The following FGF14 variants were observed in gnomAD, a reference collection of about 807,000 sequenced individuals.
FGF14 encodes fibroblast growth factor homologous factor 4.
FGF14 carries 5 observed loss-of-function variants against 25.5 expected under a neutral mutation model. The observed-to-expected ratio is 0.20, with a 90% CI of 0.10 to 0.41. The LOEUF is 0.41. FGF14 is among the 10% of genes least tolerant of loss of function. The pLI is 1.00. For synonymous variants in FGF14, 138 were observed against 118.3 expected (o/e 1.17, Z -1.08); for missense variants, 222 against 320.1 (o/e 0.69, Z 2.34).
chr13:101,904,748 C>A (rs1005947685), intron 1 of FGF14, among the ~76,000 whole-genome samples: 2 of 152,048 alleles, frequency 1.3e-5, no homozygotes, highest in Admixed American at 1.3e-4. Context: ...TACAACCATG[C>A]AGAAAGTAAA....
rs551932782 is a variant in FGF14, at chr13:102,009,198, G to T, written c.209-133902C>A. 1.6e-3 allele frequency among the ~76,000 whole-genome samples: 249 copies of T among 152,200 alleles called. 1 individual carries two copies. Among genetic ancestry groups the T allele is most frequent in the Middle Eastern group, 0.01 (3 of 294 alleles). On this transcript the variant is annotated intron_variant, in intron 1 of 4. Coordinates refer to the FGF14 transcript ENST00000376131. ...TTCTGTGTATTGTGTGTGTCTATAAGATCATGCTTGAAATCATATTTTGTA... is the reference window on the plus strand; with the variant it reads ...TTCTGTGTATTGTGTGTGTCTATAATATCATGCTTGAAATCATATTTTGTA...
At chr13:101,784,341 G>A (rs72660357) in intron 3 of FGF14, among the ~76,000 whole-genome samples, 3,455 of 151,946 alleles carry the variant, frequency 0.023, 60 homozygotes, top group Middle Eastern at 0.058. Context: ...ACTCATTTTT[G>A]CTGCCAGAAA....
chr13:102,113,263 T>C (rs2045317315), intron 1 of FGF14, among the ~76,000 whole-genome samples: 2 of 152,204 alleles, frequency 1.3e-5, no homozygotes, highest in Admixed American at 6.5e-5. Flanking sequence ...ACCTTCCTGA[T>C]TGATTTGGAT....
chr13:101,746,025 G>C (rs2036866352), intron 3 of FGF14, among the ~76,000 whole-genome samples: 1 of 152,060 alleles, frequency 6.6e-6, no homozygotes, highest in Non-Finnish European at 1.5e-5. Flanking sequence ...GTGCAGGATA[G>C]ATGGAGGAAG....
intron 1 of FGF14, among the ~76,000 whole-genome samples, chr13:102,262,369 A>C (rs2052761020): frequency 6.6e-6 from 1 of 152,080 alleles, no homozygotes; most frequent in Admixed American, 6.5e-5. Context: ...CCTTTCAACC[A>C]ATCAAACTTA....
chr13:102,132,274 AAAG>A (rs1237406613), intron 1 of FGF14, among the ~76,000 whole-genome samples: 1 of 152,210 alleles, frequency 6.6e-6, no homozygotes, highest in African/African-American at 2.4e-5. Context: ...CATAACATTA[AAAG>A]AAGAAAGAAA....
chr13:102,161,261 C>G (rs188748628), intron 1 of FGF14, among the ~76,000 whole-genome samples: 1 of 151,828 alleles, frequency 6.6e-6, no homozygotes, highest in Non-Finnish European at 1.5e-5. Context: ...AAAGGAAGAG[C>G]GGTTGTCAGA....
chr13:102,271,723 G>A (rs755814408), intron 1 of FGF14, among the ~76,000 whole-genome samples: 1 of 152,112 alleles, frequency 6.6e-6, no homozygotes, highest in Non-Finnish European at 1.5e-5. Flanking sequence ...AATGACAATC[G>A]CTATCATCGA....
At chr13:102,154,690 C>A (rs1340934957) in intron 1 of FGF14, among the ~76,000 whole-genome samples, 7 of 152,086 alleles carry the variant, frequency 4.6e-5, no homozygotes, top group African/African-American at 1.7e-4. Flanking sequence ...CGTAAATGGG[C>A]TAAATGCTCC....
intron 1 of FGF14, among the ~76,000 whole-genome samples, chr13:102,157,961 C>T (rs775880599): frequency 1.3e-5 from 2 of 152,070 alleles, no homozygotes; most frequent in Non-Finnish European, 2.9e-5. Flanking sequence ...CAAATCAAAA[C>T]CATAATGAGA....
At chr13:102,393,212 C>T (rs1253809061) in intron 1 of FGF14, among the ~76,000 whole-genome samples, 4 of 152,164 alleles carry the variant, frequency 2.6e-5, no homozygotes, top group Non-Finnish European at 5.9e-5. Context: ...GCACCTTGGT[C>T]CACCTACACA....
At chr13:102,070,959 AC>A (rs373224651) in intron 1 of FGF14, among the ~76,000 whole-genome samples, 2 of 36,064 alleles carry the variant, frequency 5.5e-5, no homozygotes, top group African/African-American at 8.0e-4. Context: ...AAAACAAAAC[AC>A]ACACACACAC....
Position 101,714,535 on chromosome 13 carries a change from TG to T in FGF14, c.*8295del. ...ATGACAGAGACTGCGACAAACATGA[TG>T]GTCTCATTTGTACAGGTGCAGTATT... On this transcript the variant is annotated 3_prime_UTR_variant, in exon 5 of 5. Transcript: ENST00000376143. 6.3e-7 allele frequency: 1 copy of T among 1,597,962 alleles called. No homozygotes were observed. The highest frequency in any genetic ancestry group is 8.6e-7 in the Non-Finnish European group (1 of 1,165,334).
At chr13:102,350,406 C>A (rs1342549503) in intron 1 of FGF14, among the ~76,000 whole-genome samples, 2 of 151,496 alleles carry the variant, frequency 1.3e-5, no homozygotes, top group Non-Finnish European at 2.9e-5. Flanking sequence ...ATCTCCCCAA[C>A]AGGCTTAAAG....
chr13:102,400,159 G>C lies in FGF14; in HGVS notation c.208+1312C>G, dbSNP rs1437427195. On this transcript the variant is annotated intron_variant, in intron 1 of 4. Transcript: ENST00000376131. This position sits in a 1 kb window ranked among gnomAD's most constrained non-coding sequence, Gnocchi z 4.3. ...TTGCATTGGCAAGGTTCGGAGGCTG[G>C]AGGGCAGCAGCCACTTGCTGCCCCA... Among the ~76,000 whole-genome samples the C allele has an allele frequency of 2.0e-5, 3 of 152,132 alleles. No homozygotes were observed. Among genetic ancestry groups the C allele is most frequent in the African/African-American group, 7.2e-5 (3 of 41,434 alleles).
At chr13:102,104,267 A>G (rs77677901) in intron 1 of FGF14, among the ~76,000 whole-genome samples, 3,754 of 152,302 alleles carry the variant, frequency 0.025, 182 homozygotes, top group African/African-American at 0.086. Context: ...CTTGCCAGGC[A>G]CTGTGCTAAG....
chr13:102,241,580 T>C (rs571482427), intron 1 of FGF14, among the ~76,000 whole-genome samples: 1 of 152,294 alleles, frequency 6.6e-6, no homozygotes, highest in South Asian at 2.1e-4. Flanking sequence ...AGTTATGCTA[T>C]AGAAAAAAAT....
chr13:102,005,110 A>G (rs1198192633), intron 1 of FGF14, among the ~76,000 whole-genome samples: 1 of 152,250 alleles, frequency 6.6e-6, no homozygotes, highest in Non-Finnish European at 1.5e-5. Context: ...ACATTTGGAC[A>G]TATGATTTCA....
At chr13:102,069,399 G>A (rs896512838) in intron 1 of FGF14, among the ~76,000 whole-genome samples, 2 of 152,300 alleles carry the variant, frequency 1.3e-5, no homozygotes, top group African/African-American at 4.8e-5. Flanking sequence ...GAGAATAAAA[G>A]GAGGCTGCCC....
Sources: allele counts gnomAD v4.1 joint callset (sites outside exome capture counted in the v4.1 genomes callset), GRCh38; gene constraint gnomAD v4.1.1; non-coding constraint Gnocchi (gnomAD v3.1); transcripts MANE v1.5; gene names NCBI Gene and HGNC (gene_info 2026-07-23, HGNC 2026-07-21).